Variants in GALNT13 observed in about 807,000 individuals in gnomAD.
The protein encoded by GALNT13 is polypeptide N-acetylgalactosaminyltransferase 13, also known as UDP-GalNAc:polypeptide N-acetylgalactosaminyltransferase 13.
A neutral mutation model predicts 64.2 loss-of-function variants in GALNT13; 28 were observed. The ratio of observed to expected loss-of-function variants is 0.44; its 90% CI spans 0.32 to 0.60. The LOEUF (loss-of-function observed/expected upper bound fraction) is 0.60. Among genes scored for constraint, GALNT13 ranks in the 20% least tolerant of loss-of-function variants. The pLI, the probability that GALNT13 is intolerant of heterozygous loss-of-function variation, is 0.05. For synonymous variants in GALNT13, 214 were observed against 224.6 expected (o/e 0.95, Z 0.42); for missense variants, 577 against 669.8 (o/e 0.86, Z 1.53).
chr2:154,206,568 G>A (rs1056849061), intron 4 of GALNT13, among the ~76,000 whole-genome samples: 11 of 151,954 alleles, frequency 7.2e-5, no homozygotes, highest in Non-Finnish European at 1.5e-4. Context: ...GCCAAAGCAG[G>A]TGGATCAGCT....
At chr2:154,161,595 T>C (rs1239499943) in intron 4 of GALNT13, among the ~76,000 whole-genome samples, 2 of 152,134 alleles carry the variant, frequency 1.3e-5, no homozygotes, top group African/African-American at 2.4e-5. Flanking sequence ...CAGTTCTATC[T>C]CAAGAACTCA....
intron 3 of GALNT13, among the ~76,000 whole-genome samples, chr2:154,086,953 A>AT (rs911622957): frequency 3.0e-4 from 46 of 151,348 alleles, no homozygotes; most frequent in African/African-American, 8.0e-4. Context: ...TGTTGCCATC[A>AT]TTTTTTTTTA....
At chr2:153,233,501 C>T in the GALNT13 span, among the ~76,000 whole-genome samples, 1 of 151,470 alleles carries the variant, frequency 6.6e-6, no homozygotes, top group Admixed American at 6.6e-5. Context: ...AAAAAAACTG[C>T]TTGTAGTTCA....
At chr2:153,409,802 T>TCCC in the GALNT13 span, among the ~76,000 whole-genome samples, 11 of 152,208 alleles carry the variant, frequency 7.2e-5, no homozygotes, top group African/African-American at 2.6e-4. Context: ...AAAGTATAAT[T>TCCC]AAGAATAAAA....
the GALNT13 span, among the ~76,000 whole-genome samples, chr2:153,086,862 T>C: frequency 6.6e-6 from 1 of 152,124 alleles, no homozygotes; most frequent in African/African-American, 2.4e-5. Context: ...AATTAATTCA[T>C]CAGATTTAGG....
the GALNT13 span, among the ~76,000 whole-genome samples, chr2:153,707,542 C>A: frequency 6.6e-6 from 1 of 152,188 alleles, no homozygotes; most frequent in Non-Finnish European, 1.5e-5. Context: ...TGCAATAGCA[C>A]AGTAGTTCAA....
chr2:153,411,452 C>A, the GALNT13 span, among the ~76,000 whole-genome samples: 2 of 152,088 alleles, frequency 1.3e-5, no homozygotes, highest in African/African-American at 2.4e-5. Flanking sequence ...CAACTAATTT[C>A]TTTAGGAAAT....
chr2:153,673,918 CAG>C, the GALNT13 span, among the ~76,000 whole-genome samples: 3 of 151,722 alleles, frequency 2.0e-5, no homozygotes, highest in Non-Finnish European at 4.4e-5. Context: ...AACAGACAAA[CAG>C]AGCCAAATCA....
At chr2:154,354,808 G>A (rs12612941) in intron 9 of GALNT13, among the ~76,000 whole-genome samples, 9,512 of 151,854 alleles carry the variant, frequency 0.063, 575 homozygotes, top group East Asian at 0.39. Flanking sequence ...ATCATACTTC[G>A]TGATTTTAAA....
intron 8 of GALNT13, among the ~76,000 whole-genome samples, chr2:154,294,954 C>T (rs1048767526): frequency 5.3e-5 from 8 of 152,120 alleles, no homozygotes; most frequent in African/African-American, 1.9e-4. Flanking sequence ...GGCCTCCTGG[C>T]TACGGCAGTT....
the GALNT13 span, among the ~76,000 whole-genome samples, chr2:153,633,130 C>T: frequency 6.6e-6 from 1 of 152,050 alleles, no homozygotes; most frequent in Admixed American, 6.6e-5. Flanking sequence ...TTCCTTTATA[C>T]CTATACAAGG....
At chr2:153,771,217 G>C in the GALNT13 span, among the ~76,000 whole-genome samples, 1 of 152,202 alleles carries the variant, frequency 6.6e-6, no homozygotes, top group Non-Finnish European at 1.5e-5. Flanking sequence ...ATCTGGTTGG[G>C]GGGCAGATGT....
chr2:153,794,865 G>A, the GALNT13 span, among the ~76,000 whole-genome samples: 1 of 152,042 alleles, frequency 6.6e-6, no homozygotes, highest in Non-Finnish European at 1.5e-5. Context: ...TTTTGAAGCA[G>A]AAATAAAACA....
At chr2:153,601,753 GAC>G in the GALNT13 span, among the ~76,000 whole-genome samples, 1 of 151,470 alleles carries the variant, frequency 6.6e-6, no homozygotes, top group Admixed American at 6.6e-5. Flanking sequence ...GTCTCACATG[GAC>G]ACACAAAAAA....
At chr2:153,482,656 A>G in the GALNT13 span, among the ~76,000 whole-genome samples, 1 of 152,158 alleles carries the variant, frequency 6.6e-6, no homozygotes, top group African/African-American at 2.4e-5. Context: ...TTTTTGGTAG[A>G]GACAGGCTTT....
the GALNT13 span, among the ~76,000 whole-genome samples, chr2:153,434,660 C>G: frequency 1.6e-4 from 25 of 152,262 alleles, no homozygotes; most frequent in Non-Finnish European, 8.8e-5. Context: ...ACTTTGCCCA[C>G]TTTTTGATGG....
the GALNT13 span, among the ~76,000 whole-genome samples, chr2:153,481,004 C>T: frequency 2.0e-5 from 3 of 152,142 alleles, no homozygotes; most frequent in East Asian, 1.9e-4. Context: ...AATGATCAAA[C>T]CTTGGAGTCA....
In GALNT13 at chr2:153,944,496, A is replaced by T; in HGVS notation, c.-2A>T. 1 of 1,612,310 alleles carries T rather than the reference A, an allele frequency of 6.2e-7. No homozygotes were observed. Among genetic ancestry groups the T allele is most frequent in the Non-Finnish European group, 8.5e-7 (1 of 1,179,068 alleles). On this transcript the variant is annotated 5_prime_UTR_variant, in exon 3 of 13. Transcript: ENST00000392825. ...TGTGTTAACTAGAAATCAAGGAAAG[A>T]CATGAGGAGATTTGTCTACTGCAAG...
chr2:153,510,713 G>T, the GALNT13 span, among the ~76,000 whole-genome samples: 1 of 151,570 alleles, frequency 6.6e-6, no homozygotes, highest in Non-Finnish European at 1.5e-5. Flanking sequence ...TTAAAAACTT[G>T]CCAGGTGATT....
Sources: allele counts gnomAD v4.1 joint callset (sites outside exome capture counted in the v4.1 genomes callset), GRCh38; gene constraint gnomAD v4.1.1; transcripts MANE v1.5; gene names NCBI Gene and HGNC (gene_info 2026-07-23, HGNC 2026-07-21).